The following AKAP6 variants were observed in gnomAD, a reference collection of about 807,000 sequenced individuals.
AKAP6 encodes the protein A-kinase anchor protein 6.
A neutral mutation model predicts 188.5 loss-of-function variants in AKAP6; 58 were observed. The ratio of observed to expected loss-of-function variants is 0.31; its 90% CI spans 0.25 to 0.38. The LOEUF (loss-of-function observed/expected upper bound fraction) is 0.38. Ranked by LOEUF, AKAP6 falls within the 10% of genes least tolerant of loss-of-function variation. The pLI, the probability that AKAP6 is intolerant of heterozygous loss-of-function variation, is 1.00. For synonymous variants in AKAP6, 989 were observed against 998.6 expected (o/e 0.99, Z 0.18); for missense variants, 2,710 against 2,740.0 (o/e 0.99, Z 0.24).
chr14:32,374,341 G>A (rs1888096737), intron 1 of AKAP6, among the ~76,000 whole-genome samples: 1 of 152,192 alleles, frequency 6.6e-6, no homozygotes, highest in East Asian at 1.9e-4. Context: ...TTTGTCCGGG[G>A]AGTCATCCCA....
At chr14:32,502,980 A>T (rs1880679499) in intron 2 of AKAP6, among the ~76,000 whole-genome samples, 1 of 152,142 alleles carries the variant, frequency 6.6e-6, no homozygotes, top group African/African-American at 2.4e-5. Flanking sequence ...CAATATATAT[A>T]GTATATGCAT....
intron 9 of AKAP6, among the ~76,000 whole-genome samples, chr14:32,711,539 TG>T (rs1287560324): frequency 6.6e-6 from 1 of 152,072 alleles, no homozygotes; most frequent in Non-Finnish European, 1.5e-5. Flanking sequence ...TAAAGAAGCT[TG>T]GTTGTCACTA....
At chr14:32,713,681 A>T (rs2030019571) in intron 9 of AKAP6, among the ~76,000 whole-genome samples, 1 of 152,060 alleles carries the variant, frequency 6.6e-6, no homozygotes, top group African/African-American at 2.4e-5. Flanking sequence ...TTTCTTCTGC[A>T]GCTTCCTCAC....
intron 3 of AKAP6, among the ~76,000 whole-genome samples, chr14:32,540,280 C>G (rs1353787484): frequency 6.6e-6 from 1 of 150,388 alleles, no homozygotes; most frequent in Non-Finnish European, 1.5e-5. Flanking sequence ...CTCACTGCAA[C>G]TTCTGCCTCC....
chr14:32,427,445 A>C (rs976231232), intron 1 of AKAP6, among the ~76,000 whole-genome samples: 1 of 152,228 alleles, frequency 6.6e-6, no homozygotes, highest in African/African-American at 2.4e-5. Flanking sequence ...TCTTCTATTT[A>C]AGAGCTGAAA....
rs200058247 is a variant in AKAP6, at chr14:32,824,385, C to G, written c.6572C>G (p.Ala2191Gly). 123 of 1,613,814 alleles carry G rather than the reference C, an allele frequency of 7.6e-5. 1 individual carries two copies. Among genetic ancestry groups the G allele is most frequent in the Middle Eastern group, 3.3e-4 (2 of 6,082 alleles). The change falls in exon 13 of 14, where the codon GCA becomes GGA. Residue 2191 changes from alanine (A) to glycine (G), a missense_variant. By Grantham distance (60) the Ala-to-Gly change is moderately conservative. Transcript: ENST00000280979. ...AGCGAAGCTGCAATGCCACTACAAGCAACAGCATGTTCTTCTGAGTTCAGT... is the reference window on the plus strand; with the variant it reads ...AGCGAAGCTGCAATGCCACTACAAGGAACAGCATGTTCTTCTGAGTTCAGT... The part of the protein sequence containing the change: ...VPSEAAMPLQ[A>G]TACSSEFSDS...
chr14:32,713,452 C>T (rs2030005058), intron 9 of AKAP6, among the ~76,000 whole-genome samples: 1 of 104,668 alleles, frequency 9.6e-6, no homozygotes, highest in African/African-American at 2.9e-5. Context: ...CATGAAAGTC[C>T]TAGATGGCAT....
At chr14:32,478,885 G>C (rs75097073) in intron 2 of AKAP6, among the ~76,000 whole-genome samples, 1,737 of 152,226 alleles carry the variant, frequency 0.011, 15 homozygotes, top group East Asian at 0.026. Flanking sequence ...TTTCTACTGT[G>C]TCCCCCCTTT....
chr14:32,809,433 C>T (rs1205761840), intron 12 of AKAP6, among the ~76,000 whole-genome samples: 1 of 152,184 alleles, frequency 6.6e-6, no homozygotes, highest in African/African-American at 2.4e-5. Context: ...TGAGGAGTAA[C>T]TGTTTTCACA....
In AKAP6 at chr14:32,696,051, C is replaced by T; in HGVS notation, c.2941C>T (p.Leu981Phe). The change falls in exon 9 of 14, where the codon CTT becomes TTT. Residue 981 changes from leucine to phenylalanine, a missense_variant. Around this residue, in one of 2 missense-constraint regions of AKAP6, gnomAD observed 2,473 missense variants for 2,426.1 expected, o/e 1.02. Coordinates refer to ENST00000280979, the MANE Select transcript of AKAP6 (RefSeq NM_004274.5). ...GGATTGGCTGATTGACATGGAGTCCCTTGTGATGGACAGCCACGACCTGAT... is the reference window on the plus strand; with the variant it reads ...GGATTGGCTGATTGACATGGAGTCCTTTGTGATGGACAGCCACGACCTGAT... ...LWDWLIDMES[L>F]VMDSHDLMMS... 6.2e-7 allele frequency: 1 copy of T among 1,612,958 alleles called. No individual in the cohort carries two copies. Among genetic ancestry groups the T allele is most frequent in the East Asian group, 2.2e-5 (1 of 44,828 alleles).
At chr14:32,330,821 C>T (rs904043537) in intron 1 of AKAP6, among the ~76,000 whole-genome samples, 6 of 145,170 alleles carry the variant, frequency 4.1e-5, no homozygotes, top group Non-Finnish European at 9.0e-5. Context: ...TTGTTTATAC[C>T]ACATCACGCA....
At chr14:32,801,133 T>A (rs2140089303) in intron 12 of AKAP6, among the ~76,000 whole-genome samples, 1 of 152,354 alleles carries the variant, frequency 6.6e-6, no homozygotes, top group South Asian at 2.1e-4. Context: ...ACCCTTCATA[T>A]TTAAAGTGAT....
At chr14:32,783,241 A>G (rs550464168) in intron 12 of AKAP6, among the ~76,000 whole-genome samples, 1 of 152,304 alleles carries the variant, frequency 6.6e-6, no homozygotes, top group Admixed American at 6.5e-5. Flanking sequence ...AATGTGCCAT[A>G]TAAAAATTAA....
At chr14:32,485,908 G>A (rs1337954030) in intron 2 of AKAP6, among the ~76,000 whole-genome samples, 2 of 151,982 alleles carry the variant, frequency 1.3e-5, no homozygotes, top group African/African-American at 4.8e-5. Context: ...GTCCTGAATG[G>A]TATTGCCTAG....
chr14:32,698,378 G>A (rs1465798149), intron 9 of AKAP6, among the ~76,000 whole-genome samples: 7 of 152,204 alleles, frequency 4.6e-5, no homozygotes, highest in Middle Eastern at 3.4e-3. Context: ...ACCCCTGAAG[G>A]AGTAAAGCTT....
At chr14:32,435,359 A>G (rs1367185264) in intron 2 of AKAP6, among the ~76,000 whole-genome samples, 1 of 152,242 alleles carries the variant, frequency 6.6e-6, no homozygotes, top group Non-Finnish European at 1.5e-5. Context: ...GGCTATTAAA[A>G]ACATTAATGA....
intron 9 of AKAP6, among the ~76,000 whole-genome samples, chr14:32,726,621 A>T (rs555855420): frequency 1.3e-5 from 2 of 152,384 alleles, no homozygotes; most frequent in South Asian, 4.1e-4. Context: ...CTTTTCACGC[A>T]GTGCATTTCA....
chr14:32,470,262 A>G (rs1878699796), intron 2 of AKAP6, among the ~76,000 whole-genome samples: 1 of 152,184 alleles, frequency 6.6e-6, no homozygotes, highest in Non-Finnish European at 1.5e-5. Flanking sequence ...CTGCATTTTA[A>G]CAAGATCCCC....
At chr14:32,801,882 A>T (rs920438716) in intron 12 of AKAP6, among the ~76,000 whole-genome samples, 1 of 152,090 alleles carries the variant, frequency 6.6e-6, no homozygotes, top group African/African-American at 2.4e-5. Context: ...TCTTATCCTT[A>T]TTCCTCTATG....
Sources: gnomAD v4.1 joint callset for allele counts (sites outside exome capture counted in the v4.1 genomes callset) on GRCh38, gnomAD v4.1.1 for gene constraint, gnomAD v4.1.1 regional missense constraint, MANE v1.5 for transcripts, NCBI Gene and HGNC (gene_info 2026-07-23, HGNC 2026-07-21) for gene names.